Variants in FMNL2 observed in about 807,000 individuals in gnomAD.
The protein encoded by FMNL2 is formin-like protein 2.
Under a neutral mutation model 130.2 loss-of-function variants are expected in FMNL2, and 51 were observed. The ratio of observed to expected loss-of-function variants is 0.39; its 90% confidence interval spans 0.31 to 0.49. The LOEUF (loss-of-function observed/expected upper bound fraction) is 0.49. Ranked by LOEUF, FMNL2 falls within the 20% of genes least tolerant of loss-of-function variation. The pLI, the probability that FMNL2 is intolerant of heterozygous loss-of-function variation, is 0.85. For missense variants in FMNL2, 977 were observed against 1,316.2 expected (o/e 0.74, Z 3.99); for synonymous variants, 465 against 467.1 (o/e 1.00, Z 0.06).
rs189105125 is a variant in FMNL2 at position 152,614,524 on chromosome 2, C to T, written c.1063-327C>T. Reference sequence around the variant, plus strand: ...CTTTGGGAGGCTGAGCCGGGTGGATCACGAGGTCAGGAGATCGAGACCATC... The same window carrying T: ...CTTTGGGAGGCTGAGCCGGGTGGATTACGAGGTCAGGAGATCGAGACCATC... On this transcript the variant is annotated intron_variant, in intron 11 of 25. Coordinates refer to ENST00000288670, the MANE Select transcript of FMNL2 (RefSeq NM_052905.4). Among the ~76,000 whole-genome samples the T allele has an allele frequency of 4.2e-3, 633 of 152,318 alleles. 5 individuals are homozygous for T. Among genetic ancestry groups the T allele is most frequent in the African/African-American group, 0.014 (587 of 41,558 alleles).
chr2:152,386,879 C>A (rs1348007244), intron 1 of FMNL2, among the ~76,000 whole-genome samples: 1 of 152,150 alleles, frequency 6.6e-6, no homozygotes, highest in Non-Finnish European at 1.5e-5. Context: ...TAATTTATCT[C>A]AACAAAGGTA....
chr2:152,552,741 G>T (rs1695006421), intron 4 of FMNL2, among the ~76,000 whole-genome samples: 1 of 152,166 alleles, frequency 6.6e-6, no homozygotes, highest in African/African-American at 2.4e-5. Flanking sequence ...CCCTTGAAAT[G>T]ATCCACATAG....
At chr2:152,355,085 C>T (rs1682709153) in intron 1 of FMNL2, among the ~76,000 whole-genome samples, 1 of 152,136 alleles carries the variant, frequency 6.6e-6, no homozygotes, top group African/African-American at 2.4e-5. Flanking sequence ...TAATAGCATG[C>T]CTGGCCTAGC....
intron 1 of FMNL2, among the ~76,000 whole-genome samples, chr2:152,468,030 C>T (rs1166536901): frequency 6.6e-6 from 1 of 152,218 alleles, no homozygotes; most frequent in African/African-American, 2.4e-5. Flanking sequence ...GGCTCTTACC[C>T]ATTTCTAAAT....
chr2:152,429,607 C>CTT lies in FMNL2; in HGVS notation c.118-92326_118-92325dup, dbSNP rs63647660. On this transcript the variant is annotated intron_variant, in intron 1 of 25. Transcript: ENST00000288670. ...CCCTTAGATAGCCCACTTCTTTTGT[C>CTT]TTTTTTTTTTTGTTTTCTTTTCCCT... Among the ~76,000 whole-genome samples, 53 of 147,084 alleles carry CTT rather than the reference C, an allele frequency of 3.6e-4. 1 individual carries two copies. In the South Asian group the frequency reaches 6.5e-3, roughly 18 times the overall value.
At chr2:152,443,475 AT>A (rs1294900040) in intron 1 of FMNL2, among the ~76,000 whole-genome samples, 1 of 152,116 alleles carries the variant, frequency 6.6e-6, no homozygotes, top group Non-Finnish European at 1.5e-5. Context: ...AGGAGAAGGA[AT>A]TGTTAGAGAG....
At chr2:152,549,775 A>G (rs1354815281) in intron 4 of FMNL2, among the ~76,000 whole-genome samples, 1 of 152,214 alleles carries the variant, frequency 6.6e-6, no homozygotes, top group Non-Finnish European at 1.5e-5. Context: ...TCTTAAAACA[A>G]GATGGCTTCT....
chr2:152,400,764 C>T (rs1685648417), intron 1 of FMNL2, among the ~76,000 whole-genome samples: 1 of 152,196 alleles, frequency 6.6e-6, no homozygotes, highest in Non-Finnish European at 1.5e-5. Flanking sequence ...CACTATAGGC[C>T]ACTGAGTAGC....
At chr2:152,600,508 G>A (rs997105418) in intron 9 of FMNL2, among the ~76,000 whole-genome samples, 1 of 152,140 alleles carries the variant, frequency 6.6e-6, no homozygotes, top group Non-Finnish European at 1.5e-5. Flanking sequence ...GTCTGGGAGT[G>A]TGTTCACTTC....
chr2:152,509,253 A>C (rs1407363318), intron 1 of FMNL2, among the ~76,000 whole-genome samples: 11 of 152,250 alleles, frequency 7.2e-5, no homozygotes, highest in Admixed American at 7.2e-4. Context: ...TTATTGAGGT[A>C]TCTAAGGGTA....
chr2:152,524,681 T>C (rs1693287112), intron 2 of FMNL2, among the ~76,000 whole-genome samples: 1 of 152,204 alleles, frequency 6.6e-6, no homozygotes, highest in Non-Finnish European at 1.5e-5. Context: ...TTTACACTTA[T>C]GGAAAGAGAG....
intron 1 of FMNL2, among the ~76,000 whole-genome samples, chr2:152,480,781 T>A (rs1690474471): frequency 6.6e-6 from 1 of 151,996 alleles, no homozygotes; most frequent in Admixed American, 6.6e-5. Flanking sequence ...AAGAATACAG[T>A]ATACATGGAA....
intron 1 of FMNL2, among the ~76,000 whole-genome samples, chr2:152,502,803 AG>A (rs1691921911): frequency 6.6e-6 from 1 of 152,210 alleles, no homozygotes; most frequent in African/African-American, 2.4e-5. Flanking sequence ...GTAGCAGGAA[AG>A]GGAGCGAGTT....
intron 9 of FMNL2, among the ~76,000 whole-genome samples, chr2:152,595,739 G>T (rs1159316865): frequency 6.6e-6 from 1 of 151,988 alleles, no homozygotes; most frequent in East Asian, 1.9e-4. Flanking sequence ...TTTTTCCCAT[G>T]CGGAGGAGAT....
At chr2:152,488,177 G>T (rs1285755458) in intron 1 of FMNL2, among the ~76,000 whole-genome samples, 1 of 152,158 alleles carries the variant, frequency 6.6e-6, no homozygotes, top group Non-Finnish European at 1.5e-5. Context: ...GGGTCCTGTT[G>T]GGGTTTGTGA....
intron 1 of FMNL2, among the ~76,000 whole-genome samples, chr2:152,473,184 A>G (rs1689951811): frequency 6.6e-6 from 1 of 152,182 alleles, no homozygotes; most frequent in Non-Finnish European, 1.5e-5. Context: ...CTTTTTTTCA[A>G]TACTTGCACA....
intron 1 of FMNL2, among the ~76,000 whole-genome samples, chr2:152,363,725 C>G (rs905578843): frequency 1.5e-4 from 23 of 152,084 alleles, no homozygotes; most frequent in African/African-American, 5.1e-4. Flanking sequence ...ACATGCCTGG[C>G]TAATTTTTGT....
Position 152,458,758 on chromosome 2 carries a change from G to A in FMNL2, c.118-63185G>A, listed in dbSNP as rs146316228. On this transcript the variant is annotated intron_variant, in intron 1 of 25. Coordinates refer to ENST00000288670, the MANE Select transcript of FMNL2 (RefSeq NM_052905.4). ...TAGGTGGCCCCACGTGATGCTGTGCGGGAAACTCCTTGAGGGAGGATAATT... is the reference window on the plus strand; with the variant it reads ...TAGGTGGCCCCACGTGATGCTGTGCAGGAAACTCCTTGAGGGAGGATAATT... Among the ~76,000 whole-genome samples, 1,055 of 152,286 alleles carry A rather than the reference G, an allele frequency of 6.9e-3. 12 individuals carry two copies. The highest frequency in any genetic ancestry group is 0.024 in the African/African-American group (1,001 of 41,548).
At chr2:152,337,104 A>T (rs953985924) in intron 1 of FMNL2, among the ~76,000 whole-genome samples, 22 of 151,604 alleles carry the variant, frequency 1.5e-4, no homozygotes, top group African/African-American at 5.1e-4. Context: ...CCACCTGGAA[A>T]CTCTGGTGTG....
Sources: allele counts gnomAD v4.1 joint callset (sites outside exome capture counted in the v4.1 genomes callset), GRCh38; gene constraint gnomAD v4.1.1; transcripts MANE v1.5; gene names NCBI Gene and HGNC (gene_info 2026-07-23, HGNC 2026-07-21).